The following HUNK variants were observed in gnomAD, a reference collection of about 807,000 sequenced individuals.
HUNK encodes hormonally up-regulated neu tumor-associated kinase.
HUNK carries 21 observed loss-of-function variants against 61.0 expected under a neutral mutation model. That is an observed-to-expected ratio of 0.34 (90% CI 0.24 to 0.50). The LOEUF (loss-of-function observed/expected upper bound fraction) is 0.50. HUNK is among the 20% of genes least tolerant of loss of function. The probability of loss-of-function intolerance (pLI) is 0.98; values close to 1 mark genes in which losing one functional copy is unlikely to be tolerated. For missense variants in HUNK, 772 were observed against 945.7 expected (o/e 0.82, Z 2.41); for synonymous variants, 371 against 386.1 (o/e 0.96, Z 0.46).
At position 31,999,921 on chromosome 21, in the gene HUNK, T is replaced by G. The variant is rs1457470524; in HGVS notation, c.*737T>G. ...CGGTAAATTGAAATAACATAATTTT[T>G]TAAAACTTGGATGGAGAGATGAGAA... On this transcript the variant is annotated 3_prime_UTR_variant, in exon 11 of 11. Transcript: ENST00000270112. 1 of 379,716 alleles carries G rather than the reference T, an allele frequency of 2.6e-6. No homozygotes were observed. Among genetic ancestry groups the G allele is most frequent in the African/African-American group, 2.1e-5 (1 of 48,322 alleles). 23.5% of individuals were successfully genotyped at this position (379,716 alleles called of 1,614,324 possible).
chr21:31,956,938 G>C (rs2052893449), intron 4 of HUNK, among the ~76,000 whole-genome samples: 1 of 152,120 alleles, frequency 6.6e-6, no homozygotes, highest in South Asian at 2.1e-4. Flanking sequence ...TGTGTGCCTT[G>C]TTCATTCTTG....
At chr21:31,981,319 A>G (rs2053095859) in intron 7 of HUNK, among the ~76,000 whole-genome samples, 1 of 150,636 alleles carries the variant, frequency 6.6e-6, no homozygotes, top group African/African-American at 2.4e-5. Context: ...TTATTGTTCA[A>G]AATGACTTTG....
chr21:31,989,436 C>T (rs919451641), intron 8 of HUNK, among the ~76,000 whole-genome samples: 3 of 152,106 alleles, frequency 2.0e-5, no homozygotes, highest in Non-Finnish European at 4.4e-5. Flanking sequence ...GTTACTTGGC[C>T]GGGCTCAGTG....
intron 1 of HUNK, among the ~76,000 whole-genome samples, chr21:31,888,666 G>T (rs1464861917): frequency 6.6e-6 from 1 of 152,082 alleles, no homozygotes; most frequent in African/African-American, 2.4e-5. Context: ...CTTGAACCCA[G>T]GAGGCGGAGG....
intron 9 of HUNK, 76 bp downstream of exon 9, chr21:31,990,252 G>A: frequency 7.5e-7 from 1 of 1,328,138 alleles, no homozygotes; most frequent in Non-Finnish European, 1.1e-6. Context: ...GAGAGAGAGA[G>A]AGATTGAGAC....
chr21:31,873,596 G>A lies in HUNK; in HGVS notation c.-79G>A. On this transcript the variant is annotated 5_prime_UTR_variant, in exon 1 of 11. Transcript: ENST00000270112. The surrounding 1 kb of genome is among the most constrained non-coding windows in gnomAD (Gnocchi z 6.1). ...GCCCAGGGCGGCGGCGGGAGAAGCC[G>A]GGGAAGCCGAAGAGCCTGGGGAGGA... is the stretch of plus-strand genomic sequence containing the variant. The A allele has an allele frequency of 1.5e-5, 15 of 969,938 alleles. No individual in the cohort carries two copies. Among genetic ancestry groups the A allele is most frequent in the Non-Finnish European group, 1.8e-5 (15 of 815,272 alleles). 60.1% of individuals were successfully genotyped at this position (969,938 alleles called of 1,614,324 possible). A position where few individuals can be genotyped will look rare whatever the true frequency, so the allele number is the denominator to read the frequency against.
chr21:31,904,488 A>C (rs948835407), intron 1 of HUNK, among the ~76,000 whole-genome samples: 6 of 152,234 alleles, frequency 3.9e-5, no homozygotes, highest in African/African-American at 1.4e-4. Context: ...AGAAAAGTTA[A>C]TAGCTTAAAA....
At chr21:31,940,313 T>C (rs2052761412) in intron 3 of HUNK, 93 bp downstream of exon 3, 1 of 699,066 alleles carries the variant, frequency 1.4e-6, no homozygotes, top group African/African-American at 1.9e-5. Flanking sequence ...CTATCTCTAA[T>C]ACCCAGACAA....
intron 3 of HUNK, among the ~76,000 whole-genome samples, chr21:31,945,357 C>A (rs921598574): frequency 6.6e-6 from 1 of 152,132 alleles, no homozygotes; most frequent in African/African-American, 2.4e-5. Flanking sequence ...TCTTAATCAT[C>A]CAGGAACAAA....
At chr21:31,944,267 CAG>C (rs1252066219) in intron 3 of HUNK, among the ~76,000 whole-genome samples, 2 of 152,224 alleles carry the variant, frequency 1.3e-5, no homozygotes, top group African/African-American at 4.8e-5. Flanking sequence ...TTAGTAGAGA[CAG>C]GGTTTCGCCA....
chr21:31,936,336 C>T (rs2052733467), intron 2 of HUNK, among the ~76,000 whole-genome samples: 1 of 152,218 alleles, frequency 6.6e-6, no homozygotes, highest in South Asian at 2.1e-4. Flanking sequence ...TGTTCTCTCT[C>T]TTCCTATTGG....
At position 31,971,063 on chromosome 21, in the gene HUNK, C is replaced by A. The variant is rs567070797; in HGVS notation, c.1010+2678C>A. Among the ~76,000 whole-genome samples, 5 of 45,734 alleles carry A rather than the reference C, an allele frequency of 1.1e-4. No individual in the cohort carries two copies. The South Asian group carries it at 5.4e-3, about 49-fold the overall frequency. The allele number at this position is 45,734 out of a possible 152,430, so 30.0% of individuals were successfully genotyped here. On this transcript the variant is annotated intron_variant, in intron 6 of 10. Coordinates refer to ENST00000270112, the MANE Select transcript of HUNK (RefSeq NM_014586.2). ...TAAGCGTGGAACCAGAATTCTTTTTCTTTATTTTTATTTATTTATTATTTA... is the reference window on the plus strand; with the variant it reads ...TAAGCGTGGAACCAGAATTCTTTTTATTTATTTTTATTTATTTATTATTTA...
intron 5 of HUNK, among the ~76,000 whole-genome samples, chr21:31,961,639 A>G (rs765575470): frequency 2.6e-5 from 4 of 152,222 alleles, no homozygotes; most frequent in Non-Finnish European, 4.4e-5. Flanking sequence ...TGATGTTTCC[A>G]AATAGATGCA....
chr21:31,926,457 AC>A (rs1229383699), intron 2 of HUNK, among the ~76,000 whole-genome samples: 3 of 133,818 alleles, frequency 2.2e-5, no homozygotes, highest in Non-Finnish European at 4.7e-5. Context: ...TATTTTTATT[AC>A]CCCCCGCAAA....
At chr21:31,935,472 T>C (rs2052727226) in intron 2 of HUNK, among the ~76,000 whole-genome samples, 1 of 152,194 alleles carries the variant, frequency 6.6e-6, no homozygotes, top group South Asian at 2.1e-4. Context: ...TCTGTGGATT[T>C]TGATAAATGC....
chr21:31,989,707 C>T (rs1174727702), intron 8 of HUNK, among the ~76,000 whole-genome samples: 1 of 106,486 alleles, frequency 9.4e-6, no homozygotes, highest in African/African-American at 3.8e-5. Flanking sequence ...GAGCGAGACT[C>T]GGTCTCAAAA....
At chr21:31,895,168 A>G (rs1405769783) in intron 1 of HUNK, among the ~76,000 whole-genome samples, 2 of 152,328 alleles carry the variant, frequency 1.3e-5, no homozygotes, top group South Asian at 4.1e-4. Flanking sequence ...CTCAAGGCCC[A>G]GGAGACACAA....
chr21:31,914,485 C>G (rs1382901449), intron 1 of HUNK, among the ~76,000 whole-genome samples: 1 of 142,816 alleles, frequency 7.0e-6, no homozygotes, highest in East Asian at 2.2e-4. Flanking sequence ...TTTGTTCTTA[C>G]ATTTTTACTC....
chr21:31,897,632 A>G (rs2052434207), intron 1 of HUNK, among the ~76,000 whole-genome samples: 1 of 152,364 alleles, frequency 6.6e-6, no homozygotes, highest in South Asian at 2.1e-4. Context: ...TTAGGACTCC[A>G]GCATCTTTTG....
Sources: allele counts gnomAD v4.1 joint callset (sites outside exome capture counted in the v4.1 genomes callset), GRCh38; gene constraint gnomAD v4.1.1; non-coding constraint Gnocchi (gnomAD v3.1); transcripts MANE v1.5; gene names NCBI Gene and HGNC (gene_info 2026-07-23, HGNC 2026-07-21).